The following CDKAL1 variants were observed in gnomAD, a reference collection of about 807,000 sequenced individuals.
CDKAL1 encodes the protein CDKAL1 threonylcarbamoyladenosine tRNA methylthiotransferase.
In CDKAL1, 32 loss-of-function variants were observed where a neutral mutation model predicts 68.2. That is an observed-to-expected ratio of 0.47 (90% CI 0.35 to 0.63). CDKAL1 has a LOEUF of 0.63. Ranked by LOEUF, CDKAL1 falls within the 30% of genes least tolerant of loss-of-function variation. The pLI is 0.00. For synonymous variants in CDKAL1, 234 were observed against 244.3 expected (o/e 0.96, Z 0.39); for missense variants, 606 against 696.7 (o/e 0.87, Z 1.47).
intron 5 of CDKAL1, among the ~76,000 whole-genome samples, chr6:20,720,147 C>G (rs1562051308): frequency 6.6e-6 from 1 of 152,006 alleles, no homozygotes; most frequent in African/African-American, 2.4e-5. Flanking sequence ...TACTGGTCTT[C>G]TTGATGTGGT....
chr6:20,786,084 G>T (rs1265917654), intron 8 of CDKAL1, among the ~76,000 whole-genome samples: 1 of 152,132 alleles, frequency 6.6e-6, no homozygotes, highest in African/African-American at 2.4e-5. Context: ...AGCTGGATGT[G>T]GTGGTTGGTG....
At chr6:20,596,604 G>A (rs536982086) in intron 4 of CDKAL1, among the ~76,000 whole-genome samples, 111 of 152,330 alleles carry the variant, frequency 7.3e-4, no homozygotes, top group African/African-American at 2.5e-3. Flanking sequence ...TGGGCTCTGT[G>A]GGAGTGGGAT....
At chr6:20,971,033 G>A (rs1470971129) in intron 10 of CDKAL1, among the ~76,000 whole-genome samples, 1 of 152,130 alleles carries the variant, frequency 6.6e-6, no homozygotes, top group African/African-American at 2.4e-5. Context: ...ATTTTTAGTA[G>A]AGACGGGGTT....
At chr6:20,823,069 C>T (rs968717067) in intron 8 of CDKAL1, among the ~76,000 whole-genome samples, 2 of 151,882 alleles carry the variant, frequency 1.3e-5, no homozygotes, top group Non-Finnish European at 2.9e-5. Context: ...TTCTCGTTTT[C>T]TCTCTCTCTC....
chr6:20,739,520 A>G lies in CDKAL1; in HGVS notation c.373A>G (p.Lys125Glu), dbSNP rs1257949571. The G allele has an allele frequency of 6.2e-7, 1 of 1,602,938 alleles. No homozygotes were observed. Among genetic ancestry groups the G allele is most frequent in the African/African-American group, 1.3e-5 (1 of 74,596 alleles). Residue 125 changes from lysine (K) to glutamate (E), a missense_variant and splice_region_variant, in exon 6 of 16, where the codon AAA becomes GAA. Transcript: ENST00000274695. Reference protein sequence around the residue: ...AEDHFRNSIKKAQEENKKIVL... With the variant: ...AEDHFRNSIKEAQEENKKIVL... ...ATTGTCTTCTCTTCAATCTTTTAGA[A>G]AAGCTCAAGAGGAGAACAAGAAAAT...
At chr6:20,679,079 T>TTG (rs1770255323) in intron 5 of CDKAL1, among the ~76,000 whole-genome samples, 1 of 151,868 alleles carries the variant, frequency 6.6e-6, no homozygotes, top group African/African-American at 2.4e-5. Context: ...TAGATTTATT[T>TTG]ATTGATTGAT....
chr6:20,736,327 G>C (rs1182036852), intron 5 of CDKAL1, among the ~76,000 whole-genome samples: 1 of 152,128 alleles, frequency 6.6e-6, no homozygotes, highest in Non-Finnish European at 1.5e-5. Context: ...AAAGCTGAAA[G>C]TTTTGACTTT....
intron 11 of CDKAL1, among the ~76,000 whole-genome samples, chr6:21,038,821 T>C (rs1253367051): frequency 6.6e-6 from 1 of 152,182 alleles, no homozygotes; most frequent in African/African-American, 2.4e-5. Context: ...AGATGACCAG[T>C]GTATAAGGCT....
chr6:20,658,621 G>A (rs1013944367), intron 5 of CDKAL1, among the ~76,000 whole-genome samples: 2 of 148,482 alleles, frequency 1.3e-5, no homozygotes, highest in Non-Finnish European at 3.0e-5. Flanking sequence ...GTTGGGGGAG[G>A]TACCAGAATA....
At chr6:21,114,247 CAAAAAAA>C (rs55859447) in intron 13 of CDKAL1, among the ~76,000 whole-genome samples, 1 of 101,722 alleles carries the variant, frequency 9.8e-6, no homozygotes, top group Non-Finnish European at 2.1e-5. Flanking sequence ...GACTCTGTCT[CAAAAAAA>C]AAAAAAAAAA....
chr6:20,938,694 A>C (rs1424978379), intron 9 of CDKAL1, among the ~76,000 whole-genome samples: 6 of 152,170 alleles, frequency 3.9e-5, no homozygotes, highest in Admixed American at 3.9e-4. Context: ...ATTTGTGTGG[A>C]TATATAAAAG....
intron 9 of CDKAL1, among the ~76,000 whole-genome samples, chr6:20,935,779 A>G (rs1468804245): frequency 1.3e-5 from 2 of 152,194 alleles, no homozygotes; most frequent in African/African-American, 4.8e-5. Context: ...TACATAGCCC[A>G]GGCTGGTCTA....
At chr6:20,689,496 A>G (rs1770777283) in intron 5 of CDKAL1, among the ~76,000 whole-genome samples, 1 of 152,180 alleles carries the variant, frequency 6.6e-6, no homozygotes, top group Non-Finnish European at 1.5e-5. Flanking sequence ...TCTAAAAAGA[A>G]TGATTTGTTA....
intron 9 of CDKAL1, among the ~76,000 whole-genome samples, chr6:20,900,659 G>A (rs1761917433): frequency 1.3e-5 from 2 of 152,208 alleles, no homozygotes; most frequent in South Asian, 4.1e-4. Flanking sequence ...AGCAACACCT[G>A]TGCAGTAGTC....
chr6:21,185,519 C>G (rs1224598906), intron 13 of CDKAL1, among the ~76,000 whole-genome samples: 1 of 152,122 alleles, frequency 6.6e-6, no homozygotes, highest in Non-Finnish European at 1.5e-5. Context: ...CCTACAATCT[C>G]GATTTTCTTT....
At chr6:20,894,849 A>G (rs1300562447) in intron 9 of CDKAL1, among the ~76,000 whole-genome samples, 2 of 152,202 alleles carry the variant, frequency 1.3e-5, no homozygotes, top group African/African-American at 2.4e-5. Context: ...GTTTTAAAAT[A>G]TATATACAGT....
At chr6:21,075,565 TA>T (rs1238417676) in intron 12 of CDKAL1, among the ~76,000 whole-genome samples, 2 of 152,076 alleles carry the variant, frequency 1.3e-5, no homozygotes, top group African/African-American at 2.4e-5. Flanking sequence ...AACTAAAATT[TA>T]TTTTTTTTAG....
At chr6:20,845,366 A>G (rs1026034677) in intron 8 of CDKAL1, among the ~76,000 whole-genome samples, 3 of 152,110 alleles carry the variant, frequency 2.0e-5, no homozygotes, top group African/African-American at 7.2e-5. Flanking sequence ...TTAATATTAT[A>G]AGAGTAGAAC....
At chr6:21,188,011 T>A (rs1419057679) in intron 13 of CDKAL1, among the ~76,000 whole-genome samples, 1 of 152,236 alleles carries the variant, frequency 6.6e-6, no homozygotes, top group Non-Finnish European at 1.5e-5. Flanking sequence ...TTTTCACATA[T>A]GTGCTGTATG....
Sources: gnomAD v4.1 joint callset for allele counts (sites outside exome capture counted in the v4.1 genomes callset) on GRCh38, gnomAD v4.1.1 for gene constraint, MANE v1.5 for transcripts, NCBI Gene and HGNC (gene_info 2026-07-23, HGNC 2026-07-21) for gene names.